Variants in TPD52L3 observed in about 807,000 individuals in gnomAD.
The protein encoded by TPD52L3 is TPD52 like 3, also known as tumor protein D55.
TPD52L3 carries 12 observed loss-of-function variants against 8.7 expected under a neutral mutation model. That is an observed-to-expected ratio of 1.38 (90% CI 0.89 to 2.24). The LOEUF (loss-of-function observed/expected upper bound fraction) is 2.24, where lower values mean the gene tolerates loss of function less well. Among genes scored for constraint, TPD52L3 ranks in the 30% most tolerant of loss-of-function variants. The probability of loss-of-function intolerance (pLI) is 0.00; values close to 1 mark genes in which losing one functional copy is unlikely to be tolerated. For missense variants in TPD52L3, 207 were observed against 158.7 expected (o/e 1.30, Z -1.64); for synonymous variants, 79 against 66.8 (o/e 1.18, Z -0.89).
intron 1 of TPD52L3, chr9:6,329,167 G>A: frequency 2.1e-6 from 3 of 1,458,990 alleles, no homozygotes; most frequent in South Asian, 1.5e-5. Flanking sequence ...ACCAGAATGA[G>A]CCCCCTTGGT....
Position 6,328,905 on chromosome 9 carries a change from C to T in TPD52L3, c.310C>T (p.Leu104Phe), listed in dbSNP as rs777267286. 2 of 1,614,212 alleles carry T rather than the reference C, an allele frequency of 1.2e-6. No homozygotes were observed. The highest frequency in any genetic ancestry group is 2.2e-5 in the East Asian group (1 of 44,886). The change falls in exon 1 of 2, where the codon CTC (leucine) becomes TTC (phenylalanine). Residue 104 changes from leucine (L) to phenylalanine (F), a missense_variant. By Grantham distance (22) the Leu-to-Phe change is conservative. Transcript: ENST00000314556. The part of the protein sequence containing the change: ...TSAALSTMGT[L>F]ICRKLGGVKK... ...AGCTGCTCTGTCCACCATGGGCACT[C>T]TCATCTGCAGGAAGCTTGGAGGCGT...
intron 1 of TPD52L3, 102 bp downstream of exon 1, chr9:6,329,064 G>T (rs1211485183): frequency 1.9e-6 from 3 of 1,586,582 alleles, no homozygotes; most frequent in Non-Finnish European, 1.7e-6. Flanking sequence ...TCTCAGTTTT[G>T]GGGTGTGGGG....
chr9:6,328,869 C>G lies in TPD52L3; in HGVS notation c.274C>G (p.Gln92Glu), dbSNP rs1564105501. 1 of 1,614,192 alleles carries G rather than the reference C, an allele frequency of 6.2e-7. No individual in the cohort carries two copies. Among genetic ancestry groups the G allele is most frequent in the Admixed American group, 1.7e-5 (1 of 60,028 alleles). The change falls in exon 1 of 2, where the codon CAG (glutamine) becomes GAG (glutamate). Residue 92 changes from glutamine to glutamate, a missense_variant. Coordinates refer to ENST00000314556, the MANE Select transcript of TPD52L3 (RefSeq NM_001001874.3). ...TCAGGTCTCCAACACCTATGTGAAA[C>G]AGAAGACATCAGCTGCTCTGTCCAC... ...DVQVSNTYVK[Q>E]KTSAALSTMG...
rs1818083616 is a variant in TPD52L3, at chr9:6,328,943, C to A, written c.348C>A (p.Ala116=). 1 of 1,614,178 alleles carries A rather than the reference C, an allele frequency of 6.2e-7. No individual in the cohort carries two copies. Among genetic ancestry groups the A allele is most frequent in the Non-Finnish European group, 8.5e-7 (1 of 1,180,018 alleles). Residue 116 remains alanine, a synonymous_variant, in exon 1 of 2, where the codon GCC becomes GCA. Coordinates refer to ENST00000314556, the MANE Select transcript of TPD52L3 (RefSeq NM_001001874.3). ...AGCTTGGAGGCGTGAAGAAGTCGGC[C>A]ACATTCAGATCTTTTGAAGGTCTGA... ...CRKLGGVKKS[A]TFRSFEGLIF... is the part of the protein sequence containing the mutation.
chr9:6,328,903 C>G lies in TPD52L3; in HGVS notation c.308C>G (p.Thr103Ser). 6.2e-7 allele frequency: 1 copy of G among 1,614,204 alleles called. No homozygotes were observed. The highest frequency in any genetic ancestry group is 1.7e-5 in the Admixed American group (1 of 60,032). Residue 103 changes from threonine (T) to serine (S), a missense_variant, in exon 1 of 2, where the codon ACT becomes AGT. By Grantham distance (58) the Thr-to-Ser change is moderately conservative. Transcript: ENST00000314556. ...KTSAALSTMG[T>S]LICRKLGGVK... ...TCAGCTGCTCTGTCCACCATGGGCA[C>G]TCTCATCTGCAGGAAGCTTGGAGGC...
At chr9:6,330,198 AG>A (rs1818122886) in intron 1 of TPD52L3, 1 of 1,614,118 alleles carries the variant, frequency 6.2e-7, no homozygotes, top group Admixed American at 1.7e-5. Flanking sequence ...CTAAAGGAGA[AG>A]GAAGCAGAAT....
Position 6,331,647 on chromosome 9 carries a change from A to G in TPD52L3, c.*628A>G, listed in dbSNP as rs1490299575. 3.9e-5 allele frequency: 6 copies of G among 152,140 alleles called. No individual in the cohort carries two copies. Among genetic ancestry groups the G allele is most frequent in the African/African-American group, 1.4e-4 (6 of 41,420 alleles). 9.4% of individuals were successfully genotyped at this position (152,140 alleles called of 1,614,324 possible). The stretch of plus-strand genomic sequence containing the variant: ...CACTTAAGTAAAAAAGTAACTATCA[A>G]ATTTTTGTTTTAGATTACTCTGGTC... On this transcript the variant is annotated 3_prime_UTR_variant, in exon 2 of 2. Transcript: ENST00000314556.
At chr9:6,330,789 T>C (rs187783070) in intron 1 of TPD52L3, 187 bp from the exon 2 acceptor site, 1 of 1,359,488 alleles carries the variant, frequency 7.4e-7, no homozygotes, top group African/African-American at 1.5e-5. Context: ...GGCTTTGACA[T>C]ATTTCAGGAA....
rs142792619 is a variant in TPD52L3 at position 6,328,649 on chromosome 9, T to C, written c.54T>C (p.Thr18=). ...TGGGCACATATGAATCCCACTCGACTTCTGAACTGGAGGATCTGACAGAGC... is the reference window on the plus strand; with the variant it reads ...TGGGCACATATGAATCCCACTCGACCTCTGAACTGGAGGATCTGACAGAGC... The part of the protein sequence containing the change: ...TSVGTYESHS[T]SELEDLTEPE... Residue 18 remains threonine (T), a synonymous_variant, in exon 1 of 2, where the codon ACT becomes ACC. Coordinates refer to ENST00000314556, the MANE Select transcript of TPD52L3 (RefSeq NM_001001874.3). 1.4e-5 allele frequency: 22 copies of C among 1,614,044 alleles called. No individual in the cohort carries two copies. The highest frequency in any genetic ancestry group is 1.8e-5 in the Non-Finnish European group (21 of 1,180,038).
intron 1 of TPD52L3, 104 bp from the exon 2 acceptor site, chr9:6,330,872 T>C (rs1157429646): frequency 6.5e-7 from 1 of 1,529,712 alleles, no homozygotes; most frequent in Non-Finnish European, 8.8e-7. Flanking sequence ...TATTTAATAA[T>C]TTCTACAACA....
At chr9:6,330,432 T>G in intron 1 of TPD52L3, 1 of 1,343,038 alleles carries the variant, frequency 7.4e-7, no homozygotes, top group Non-Finnish European at 9.6e-7. Flanking sequence ...TGGGTACATT[T>G]CAGTAATCTC....
intron 1 of TPD52L3, chr9:6,329,230 G>A: frequency 7.3e-7 from 1 of 1,376,436 alleles, no homozygotes; most frequent in South Asian, 2.0e-5. Flanking sequence ...TATTACATTT[G>A]CAACTCTGCC....
intron 1 of TPD52L3, chr9:6,329,995 G>C (rs1818114858): frequency 7.5e-7 from 1 of 1,332,316 alleles, no homozygotes; most frequent in African/African-American, 1.5e-5. Context: ...GCAATTCCTA[G>C]TTAGTTACCA....
Position 6,331,142 on chromosome 9 carries a change from T to C in TPD52L3, c.*123T>C. ...TTTATTCAAAGCCAATCTGAGACCC[T>C]ACTCTGTATCAAGAACTGTCCCAGG... On this transcript the variant is annotated 3_prime_UTR_variant, in exon 2 of 2. Transcript: ENST00000314556. 1 of 1,011,570 alleles carries C rather than the reference T, an allele frequency of 9.9e-7. No homozygotes were observed. The highest frequency in any genetic ancestry group is 1.5e-6 in the Non-Finnish European group (1 of 677,422). The allele number at this position is 1,011,570 out of a possible 1,614,324, so 62.7% of individuals were successfully genotyped here. A position where few individuals can be genotyped will look rare whatever the true frequency, so the allele number is the denominator to read the frequency against.
chr9:6,330,821 C>G, intron 1 of TPD52L3, 155 bp from the exon 2 acceptor site: 1 of 1,417,262 alleles, frequency 7.1e-7, no homozygotes. Context: ...GGGACAATCT[C>G]AGACTATTAT....
chr9:6,329,714 G>C, intron 1 of TPD52L3: 1 of 1,002,526 alleles, frequency 1.0e-6, no homozygotes, highest in Non-Finnish European at 1.2e-6. Flanking sequence ...GAAAAAGAGG[G>C]GAAAATAGTG....
chr9:6,329,035 G>A, intron 1 of TPD52L3, 73 bp downstream of exon 1: 2 of 1,610,410 alleles, frequency 1.2e-6, no homozygotes, highest in South Asian at 1.1e-5. Context: ...TTCTTCTGCG[G>A]AGGGTGGGGT....
At chr9:6,330,636 G>A (rs778683573) in intron 1 of TPD52L3, 2 of 1,169,214 alleles carry the variant, frequency 1.7e-6, no homozygotes, top group African/African-American at 3.2e-5. Flanking sequence ...ACAAAGTTTT[G>A]CTTGGATTAA....
At position 6,331,039 on chromosome 9, in the gene TPD52L3, C is replaced by G. The variant is rs1818141807; in HGVS notation, c.*20C>G. ...AATTAACATCATATACTTCAGACATCAAATATGGAATCCAAGAGACTATCA... is the reference window on the plus strand; with the variant it reads ...AATTAACATCATATACTTCAGACATGAAATATGGAATCCAAGAGACTATCA... On this transcript the variant is annotated 3_prime_UTR_variant, in exon 2 of 2. Coordinates refer to ENST00000314556, the MANE Select transcript of TPD52L3 (RefSeq NM_001001874.3). 6.2e-7 allele frequency: 1 copy of G among 1,604,970 alleles called. No homozygotes were observed.
Sources: allele counts gnomAD v4.1 joint callset, GRCh38; gene constraint gnomAD v4.1.1; transcripts MANE v1.5; gene names NCBI Gene and HGNC (gene_info 2026-07-23, HGNC 2026-07-21).